CTNNA3: variants seen among roughly 807,000 people sequenced by gnomAD.
CTNNA3 encodes catenin alpha 3, also known as catenin alpha-3.
A neutral mutation model predicts 95.7 loss-of-function variants in CTNNA3; 76 were observed. The ratio of observed to expected loss-of-function variants is 0.79; its 90% CI spans 0.66 to 0.96. The LOEUF is 0.96. Among genes scored for constraint, CTNNA3 ranks in the 40% least tolerant of loss-of-function variants. The pLI, the probability that CTNNA3 is intolerant of heterozygous loss-of-function variation, is 0.00. For synonymous variants in CTNNA3, 431 were observed against 374.4 expected, an observed-to-expected ratio of 1.15 and a Z score of -1.74; for missense variants, 1,191 against 1,089.8, an observed-to-expected ratio of 1.09 and a Z score of -1.31.
chr10:66,143,967 T>G (rs533502150), intron 13 of CTNNA3, among the ~76,000 whole-genome samples: 56 of 152,366 alleles, frequency 3.7e-4, no homozygotes, highest in African/African-American at 1.3e-3. Flanking sequence ...GTTTAAAATA[T>G]GTCATAGTAT....
intron 7 of CTNNA3, among the ~76,000 whole-genome samples, chr10:67,020,632 C>T (rs1015045124): frequency 1.3e-5 from 2 of 152,106 alleles, no homozygotes; most frequent in Non-Finnish European, 2.9e-5. Flanking sequence ...AAGGACAGCC[C>T]CTTACTTCAA....
intron 11 of CTNNA3, among the ~76,000 whole-genome samples, chr10:66,474,138 C>T (rs1333272301): frequency 1.3e-5 from 2 of 152,112 alleles, no homozygotes; most frequent in South Asian, 2.1e-4. Context: ...CATAGTCACC[C>T]GTCTGTGCAA....
chr10:66,478,418 A>G (rs1189293159), intron 11 of CTNNA3, among the ~76,000 whole-genome samples: 1 of 152,064 alleles, frequency 6.6e-6, no homozygotes, highest in Non-Finnish European at 1.5e-5. Flanking sequence ...TTATTAAGAT[A>G]ATTTTTATTG....
intron 7 of CTNNA3, among the ~76,000 whole-genome samples, chr10:66,903,675 CAA>C (rs1338269260): frequency 6.6e-6 from 1 of 152,154 alleles, no homozygotes; most frequent in Non-Finnish European, 1.5e-5. Context: ...GCAACTTCAG[CAA>C]AGTCTCAGGA....
intron 5 of CTNNA3, among the ~76,000 whole-genome samples, chr10:67,462,910 C>CT (rs776462420): frequency 0.094 from 13,461 of 143,912 alleles, 1,050 homozygotes; most frequent in African/African-American, 0.2. Flanking sequence ...TTTTCTTTTT[C>CT]TTTTTTTTTT....
In CTNNA3 at chr10:66,815,874, G is replaced by A. The variant is rs542220786; in HGVS notation, c.1048-40350C>T. Reference sequence around the variant, plus strand: ...GGCAATTTCCAGGCTGAAATAAAAGGACATAAGACAGTAACTTGAATTCAG... The same window carrying A: ...GGCAATTTCCAGGCTGAAATAAAAGAACATAAGACAGTAACTTGAATTCAG... On this transcript the variant is annotated intron_variant, in intron 7 of 17. Coordinates refer to ENST00000433211, the MANE Select transcript of CTNNA3 (RefSeq NM_013266.4). 9.6e-4 allele frequency among the ~76,000 whole-genome samples: 146 copies of A among 152,172 alleles called. 1 individual carries two copies. Among genetic ancestry groups the A allele is most frequent in the Admixed American group, 2.3e-3 (35 of 15,276 alleles).
intron 11 of CTNNA3, among the ~76,000 whole-genome samples, chr10:66,438,930 C>T (rs1220894283): frequency 6.6e-6 from 1 of 152,146 alleles, no homozygotes; most frequent in East Asian, 1.9e-4. Flanking sequence ...CTCATGGCTT[C>T]CCTTGGCTAG....
In CTNNA3 at chr10:66,997,175, C is replaced by T. The variant is rs550934298; in HGVS notation, c.1047+183142G>A. 3.3e-5 allele frequency among the ~76,000 whole-genome samples: 5 copies of T among 152,154 alleles called. No individual in the cohort carries two copies. The South Asian group carries it at 8.3e-4, about 25-fold the overall frequency. ...AGTGTCAAGCATTTGGCAAAACAACCCTTTGTATTATTTCAGCATTTCAGA... is the reference window on the plus strand; with the variant it reads ...AGTGTCAAGCATTTGGCAAAACAACTCTTTGTATTATTTCAGCATTTCAGA... On this transcript the variant is annotated intron_variant, in intron 7 of 17. Transcript: ENST00000433211.
rs114210605 is a variant in CTNNA3 at position 66,323,543 on chromosome 10, C to T, written c.1733-42922G>A. 1.6e-3 allele frequency among the ~76,000 whole-genome samples: 247 copies of T among 151,436 alleles called. 1 individual carries two copies. Among genetic ancestry groups the T allele is most frequent in the African/African-American group, 5.7e-3 (236 of 41,336 alleles). ...CCATATGCCTGTAGTCCTAGCTACT[C>T]AAGGAGGCTGAGGCAGAAGAATCGC... On this transcript the variant is annotated intron_variant, in intron 12 of 17. Coordinates refer to ENST00000433211, the MANE Select transcript of CTNNA3 (RefSeq NM_013266.4).
intron 6 of CTNNA3, among the ~76,000 whole-genome samples, chr10:67,196,146 A>G (rs1863360447): frequency 6.6e-6 from 1 of 152,114 alleles, no homozygotes; most frequent in Non-Finnish European, 1.5e-5. Context: ...AGAAAATGCT[A>G]TTGAGAGAGC....
At chr10:66,595,752 T>A (rs1188370543) in intron 10 of CTNNA3, among the ~76,000 whole-genome samples, 1 of 152,128 alleles carries the variant, frequency 6.6e-6, no homozygotes, top group Non-Finnish European at 1.5e-5. Flanking sequence ...TCCTCCCCCC[T>A]TAGCCTCTTG....
At chr10:65,923,373 T>C (rs2077119100) in intron 17 of CTNNA3, among the ~76,000 whole-genome samples, 4 of 152,232 alleles carry the variant, frequency 2.6e-5, no homozygotes, top group Admixed American at 1.3e-4. Context: ...CCAAAATGCA[T>C]TAACTTATTC....
At chr10:66,127,095 C>T (rs1417027537) in intron 13 of CTNNA3, among the ~76,000 whole-genome samples, 2 of 151,764 alleles carry the variant, frequency 1.3e-5, no homozygotes, top group Non-Finnish European at 2.9e-5. Flanking sequence ...CACGGTGAAA[C>T]CCCGTCTCTA....
intron 1 of CTNNA3, among the ~76,000 whole-genome samples, chr10:67,713,741 T>C (rs979091961): frequency 2.6e-5 from 4 of 151,660 alleles, no homozygotes; most frequent in African/African-American, 7.3e-5. Context: ...ACAATGAAAA[T>C]AGATGGACAT....
At chr10:67,471,143 A>T (rs1349944833) in intron 5 of CTNNA3, among the ~76,000 whole-genome samples, 1 of 152,126 alleles carries the variant, frequency 6.6e-6, no homozygotes, top group Non-Finnish European at 1.5e-5. Flanking sequence ...TTTAGTCTTA[A>T]CAAGTAATTC....
intron 7 of CTNNA3, among the ~76,000 whole-genome samples, chr10:66,944,429 T>C (rs538441912): frequency 1.2e-4 from 18 of 152,140 alleles, no homozygotes; most frequent in Non-Finnish European, 2.5e-4. Flanking sequence ...TTCAGTTACT[T>C]CCTCCACTGA....
intron 5 of CTNNA3, among the ~76,000 whole-genome samples, chr10:67,514,116 T>C (rs1291330428): frequency 6.6e-6 from 1 of 152,064 alleles, no homozygotes; most frequent in African/African-American, 2.4e-5. Flanking sequence ...CTGGGCAACA[T>C]GGTGAAACCC....
intron 1 of CTNNA3, chr10:67,665,775 C>T (rs925901187): frequency 1.3e-5 from 2 of 152,158 alleles, no homozygotes; most frequent in African/African-American, 2.4e-5. Context: ...TGAAGGGTAA[C>T]ATCAAACAGC....
intron 9 of CTNNA3, among the ~76,000 whole-genome samples, chr10:66,644,564 T>C (rs1447957404): frequency 6.6e-6 from 1 of 151,326 alleles, no homozygotes; most frequent in Non-Finnish European, 1.5e-5. Context: ...TTGAGATAAT[T>C]ACAAATTCAC....
Sources: allele counts gnomAD v4.1 joint callset (sites outside exome capture counted in the v4.1 genomes callset), GRCh38; gene constraint gnomAD v4.1.1; transcripts MANE v1.5; gene names NCBI Gene and HGNC (gene_info 2026-07-23, HGNC 2026-07-21).